The following SPIDR variants were observed in gnomAD, a reference collection of about 807,000 sequenced individuals.
The protein encoded by SPIDR is scaffold protein involved in DNA repair.
Under a neutral mutation model 104.6 loss-of-function variants are expected in SPIDR, and 93 were observed. The ratio of observed to expected loss-of-function variants is 0.89; its 90% CI spans 0.75 to 1.06. The LOEUF is 1.06. Ranked by LOEUF, SPIDR falls within the 50% of genes least tolerant of loss-of-function variation. The pLI, the probability that SPIDR is intolerant of heterozygous loss-of-function variation, is 0.00. For synonymous variants in SPIDR, 431 were observed against 416.9 expected, an observed-to-expected ratio of 1.03 and a Z score of -0.41; for missense variants, 1,154 against 1,111.2, an observed-to-expected ratio of 1.04 and a Z score of -0.55.
At chr8:47,322,011 A>G (rs1296145819) in intron 5 of SPIDR, among the ~76,000 whole-genome samples, 3 of 152,192 alleles carry the variant, frequency 2.0e-5, no homozygotes, top group South Asian at 2.1e-4. Context: ...AACCTAGGCA[A>G]TACCATTCAG....
intron 10 of SPIDR, among the ~76,000 whole-genome samples, chr8:47,631,174 G>A (rs2067017112): frequency 6.6e-6 from 1 of 152,128 alleles, no homozygotes; most frequent in Non-Finnish European, 1.5e-5. Context: ...CCAAGTCTCT[G>A]CCCTGCCTCA....
intron 11 of SPIDR, among the ~76,000 whole-genome samples, chr8:47,685,069 G>A (rs2077579041): frequency 6.6e-6 from 1 of 152,090 alleles, no homozygotes; most frequent in Non-Finnish European, 1.5e-5. Context: ...AAATATAGCC[G>A]GGCGTGGTGG....
intron 6 of SPIDR, 37 bp downstream of exon 6, chr8:47,396,663 T>G: frequency 6.5e-7 from 1 of 1,542,994 alleles, no homozygotes. Flanking sequence ...TTTTTAAATT[T>G]TTCTCTTTCT....
intron 5 of SPIDR, among the ~76,000 whole-genome samples, chr8:47,344,685 A>C (rs1275003111): frequency 1.2e-4 from 19 of 152,074 alleles, no homozygotes; most frequent in African/African-American, 4.6e-4. Context: ...ATGGTATCTC[A>C]TTGTGGTTTT....
At chr8:47,650,776 G>A (rs1201503487) in intron 10 of SPIDR, among the ~76,000 whole-genome samples, 1 of 152,046 alleles carries the variant, frequency 6.6e-6, no homozygotes, top group African/African-American at 2.4e-5. Flanking sequence ...CACTGGAAAA[G>A]AATAGCCCAA....
At chr8:47,413,111 G>A (rs2154328310) in intron 7 of SPIDR, among the ~76,000 whole-genome samples, 1 of 152,344 alleles carries the variant, frequency 6.6e-6, no homozygotes, top group East Asian at 1.9e-4. Context: ...CTTTGTGTTG[G>A]GTTGTGGTGG....
At chr8:47,425,329 C>G (rs145868737) in intron 7 of SPIDR, among the ~76,000 whole-genome samples, 8 of 152,194 alleles carry the variant, frequency 5.3e-5, no homozygotes, top group South Asian at 2.1e-4. Flanking sequence ...TAAAGATACA[C>G]TGTGAATAAG....
At chr8:47,284,849 A>G (rs1160080142) in intron 3 of SPIDR, among the ~76,000 whole-genome samples, 2 of 152,212 alleles carry the variant, frequency 1.3e-5, no homozygotes, top group East Asian at 1.9e-4. Context: ...TTAGATAGGT[A>G]TGTTGCTGCT....
At chr8:47,422,808 C>T (rs1554682017) in intron 7 of SPIDR, among the ~76,000 whole-genome samples, 4 of 152,074 alleles carry the variant, frequency 2.6e-5, no homozygotes, top group African/African-American at 9.7e-5. Context: ...TTTTTTTTAA[C>T]ATCTTTGGTA....
At chr8:47,580,599 G>C (rs551259345) in intron 8 of SPIDR, among the ~76,000 whole-genome samples, 6 of 151,406 alleles carry the variant, frequency 4.0e-5, no homozygotes, top group Admixed American at 3.3e-4. Context: ...CCATGTCATC[G>C]TGTGCTGTGC....
intron 19 of SPIDR, chr8:47,732,240 A>G: frequency 1.4e-6 from 1 of 702,062 alleles, no homozygotes; most frequent in South Asian, 1.5e-5. Flanking sequence ...GAATATTCCC[A>G]TAGGTAAAAG....
intron 5 of SPIDR, among the ~76,000 whole-genome samples, chr8:47,348,328 G>A (rs2052621047): frequency 6.6e-6 from 1 of 152,188 alleles, no homozygotes. Context: ...CTGTTAGTCT[G>A]ATGGGCTTCC....
intron 5 of SPIDR, among the ~76,000 whole-genome samples, chr8:47,311,387 G>A (rs1289332034): frequency 6.6e-6 from 1 of 152,128 alleles, no homozygotes; most frequent in African/African-American, 2.4e-5. Flanking sequence ...AAATTCTGGA[G>A]AAATTATGGC....
chr8:47,317,009 A>G (rs1413163069), intron 5 of SPIDR, among the ~76,000 whole-genome samples: 1 of 152,198 alleles, frequency 6.6e-6, no homozygotes, highest in African/African-American at 2.4e-5. Flanking sequence ...GCTCCAGTCT[A>G]GAGCTCCCAG....
intron 5 of SPIDR, among the ~76,000 whole-genome samples, chr8:47,320,125 T>C (rs990691159): frequency 3.3e-5 from 5 of 151,862 alleles, no homozygotes; most frequent in African/African-American, 4.8e-5. Flanking sequence ...AATAGAGACA[T>C]AAAAAACCCT....
intron 5 of SPIDR, among the ~76,000 whole-genome samples, chr8:47,304,436 A>G (rs1389678755): frequency 1.3e-5 from 2 of 152,112 alleles, no homozygotes; most frequent in Non-Finnish European, 2.9e-5. Flanking sequence ...GGAGGCCAAG[A>G]TGGGAGGATC....
At chr8:47,410,448 T>C (rs782690654) in intron 7 of SPIDR, among the ~76,000 whole-genome samples, 3 of 152,120 alleles carry the variant, frequency 2.0e-5, no homozygotes, top group Non-Finnish European at 2.9e-5. Flanking sequence ...CCCAAAGTGC[T>C]GGGATTACAG....
In SPIDR at chr8:47,399,118, G is replaced by A. The variant is rs569176457; in HGVS notation, c.776+2492G>A. The stretch of plus-strand genomic sequence containing the variant: ...GTTGAAAGTGAATGTGAGGGTCAAG[G>A]TTTCTTATTTTAAAGGTGATAGAAA... On this transcript the variant is annotated intron_variant, in intron 6 of 19. Transcript: ENST00000297423. Among the ~76,000 whole-genome samples, 11 of 152,278 alleles carry A rather than the reference G, an allele frequency of 7.2e-5. No homozygotes were observed. The South Asian group carries it at 1.2e-3, about 17-fold the overall frequency.
intron 10 of SPIDR, among the ~76,000 whole-genome samples, chr8:47,625,594 C>T (rs1588531717): frequency 6.6e-6 from 1 of 151,284 alleles, no homozygotes; most frequent in East Asian, 1.9e-4. Context: ...ACACCAATAA[C>T]AGGCAAACAG....
Sources: allele counts gnomAD v4.1 joint callset (sites outside exome capture counted in the v4.1 genomes callset), GRCh38; gene constraint gnomAD v4.1.1; transcripts MANE v1.5; gene names NCBI Gene and HGNC (gene_info 2026-07-23, HGNC 2026-07-21).